The following WDFY3 variants were observed in gnomAD, a reference collection of about 807,000 sequenced individuals.
WDFY3 encodes the protein WD repeat and FYVE domain-containing protein 3.
WDFY3 carries 66 observed loss-of-function variants against 409.6 expected under a neutral mutation model. The ratio of observed to expected loss-of-function variants is 0.16; its 90% CI spans 0.13 to 0.20. The LOEUF (loss-of-function observed/expected upper bound fraction) is 0.20. Ranked by LOEUF, WDFY3 falls within the 10% of genes least tolerant of loss-of-function variation. The pLI, the probability that WDFY3 is intolerant of heterozygous loss-of-function variation, is 1.00. For synonymous variants in WDFY3, 1,521 were observed against 1,537.1 expected (o/e 0.99, Z 0.25); for missense variants, 3,031 against 4,298.1 (o/e 0.71, Z 8.24).
intron 2 of WDFY3, among the ~76,000 whole-genome samples, chr4:84,915,416 C>T (rs1768355067): frequency 6.6e-6 from 1 of 152,120 alleles, no homozygotes; most frequent in African/African-American, 2.4e-5. Context: ...TAAAGTCTAT[C>T]ACCACAAAAT....
chr4:84,797,773 C>T (rs918922908), intron 18 of WDFY3, among the ~76,000 whole-genome samples: 5 of 151,760 alleles, frequency 3.3e-5, no homozygotes, highest in East Asian at 3.9e-4. Flanking sequence ...TTAGAAGAGA[C>T]GGGGTTTCAC....
intron 44 of WDFY3, 142 bp downstream of exon 44, chr4:84,733,240 T>A: frequency 1.1e-6 from 1 of 942,404 alleles, no homozygotes; most frequent in Admixed American, 2.3e-5. Context: ...CCACCTCCAC[T>A]CTGAAGTTAT....
chr4:84,929,331 G>A (rs897364216), intron 2 of WDFY3, among the ~76,000 whole-genome samples: 1 of 152,186 alleles, frequency 6.6e-6, no homozygotes, highest in Non-Finnish European at 1.5e-5. Flanking sequence ...GTTAGGTGCA[G>A]CTTTGTGAGA....
intron 2 of WDFY3, among the ~76,000 whole-genome samples, chr4:84,928,242 C>A (rs1264695066): frequency 6.6e-6 from 1 of 152,164 alleles, no homozygotes; most frequent in Non-Finnish European, 1.5e-5. Flanking sequence ...CTAGCATCAA[C>A]CCCTCTCCCT....
Position 84,772,890 on chromosome 4 carries a change from C to T in WDFY3, c.4794G>A (p.Ala1598=), listed in dbSNP as rs780197075. 2.2e-5 allele frequency: 35 copies of T among 1,609,444 alleles called. No homozygotes were observed. Among genetic ancestry groups the T allele is most frequent in the African/African-American group, 8.0e-5 (6 of 74,636 alleles). ...CCATTACTACAAATTTCTCACAAAC[C>T]GCAAAGGTTGGCAAAGTAGAAGAAA... is the stretch of plus-strand genomic sequence containing the variant. ...QFISSTLPTF[A]VCEKFVVMEI... is the part of the protein sequence containing the mutation. The change falls in exon 30 of 68, where the codon GCG becomes GCA. Residue 1598 remains alanine (A), a synonymous_variant. Transcript: ENST00000295888.
chr4:84,817,736 A>G (rs1753510283), intron 12 of WDFY3, 151 bp from the exon 13 acceptor site: 1 of 803,468 alleles, frequency 1.2e-6, no homozygotes, highest in Non-Finnish European at 1.9e-6. Context: ...TTAAATTACA[A>G]TACAAATTTG....
chr4:84,934,308 C>T (rs1019158739), intron 1 of WDFY3, among the ~76,000 whole-genome samples: 1 of 152,064 alleles, frequency 6.6e-6, no homozygotes, highest in Non-Finnish European at 1.5e-5. Context: ...GTTTGTTTGC[C>T]ATATGTATGT....
intron 55 of WDFY3, 152 bp downstream of exon 55, chr4:84,704,186 T>C (rs913017979): frequency 2.0e-6 from 1 of 509,938 alleles, no homozygotes; most frequent in East Asian, 3.4e-5. Flanking sequence ...TCAATTTTGG[T>C]CCAACAAAAT....
At chr4:84,780,383 T>A in intron 25 of WDFY3, 85 bp from the exon 26 acceptor site, 1 of 1,266,836 alleles carries the variant, frequency 7.9e-7, no homozygotes, top group Non-Finnish European at 1.1e-6. Context: ...AGTTTTTTAA[T>A]TAGCAGTGTT....
intron 25 of WDFY3, among the ~76,000 whole-genome samples, chr4:84,781,590 C>G (rs992413173): frequency 6.6e-6 from 1 of 151,966 alleles, no homozygotes; most frequent in Non-Finnish European, 1.5e-5. Flanking sequence ...ATTTTGAAAA[C>G]TAGCTCCTAA....
intron 3 of WDFY3, among the ~76,000 whole-genome samples, chr4:84,876,016 G>GT (rs1229241025): frequency 6.6e-6 from 1 of 152,070 alleles, no homozygotes; most frequent in East Asian, 1.9e-4. Flanking sequence ...CAGTAACATG[G>GT]TAATTTATTA....
intron 64 of WDFY3, among the ~76,000 whole-genome samples, chr4:84,679,841 T>TATATATATATATATACACACAC (rs1235574031): frequency 9.2e-5 from 13 of 141,312 alleles, no homozygotes; most frequent in African/African-American, 3.4e-4. Flanking sequence ...TATATATATA[T>TATATATATATATATACACACAC]ACACACACAC....
rs552927810 is a variant in WDFY3, at chr4:84,947,635, C to T, written c.-225-15272G>A. Among the ~76,000 whole-genome samples the T allele has an allele frequency of 5.4e-5, 8 of 146,860 alleles. No homozygotes were observed. In the South Asian group the frequency reaches 1.7e-3, roughly 31 times the overall value. On this transcript the variant is annotated intron_variant, in intron 1 of 67. Coordinates refer to ENST00000295888, the MANE Select transcript of WDFY3 (RefSeq NM_014991.6). ...GTGTAAACCCAGCACTTTGGGAAGC[C>T]AAGGCAGTCAAGATCGCTTGAGTCC... is the stretch of plus-strand genomic sequence containing the variant.
chr4:84,940,551 T>C (rs1771974525), intron 1 of WDFY3, among the ~76,000 whole-genome samples: 1 of 152,122 alleles, frequency 6.6e-6, no homozygotes. Flanking sequence ...TTTTGTAAAG[T>C]CAAGCATATA....
chr4:84,705,261 T>C (rs546705424), intron 54 of WDFY3, 133 bp downstream of exon 54: 1 of 701,858 alleles, frequency 1.4e-6, no homozygotes, highest in African/African-American at 1.8e-5. Context: ...TCTGCATATA[T>C]GTGTGGACAT....
chr4:84,767,300 T>C (rs1418757152), intron 30 of WDFY3, among the ~76,000 whole-genome samples: 1 of 152,096 alleles, frequency 6.6e-6, no homozygotes, highest in African/African-American at 2.4e-5. Context: ...AGTCAAAAAA[T>C]GTGTTTTGAC....
intron 64 of WDFY3, among the ~76,000 whole-genome samples, chr4:84,679,691 A>G (rs529335411): frequency 1.3e-5 from 2 of 152,150 alleles, no homozygotes; most frequent in South Asian, 2.1e-4. Flanking sequence ...CAGCTTAAAC[A>G]TTCTTGTCTC....
intron 3 of WDFY3, among the ~76,000 whole-genome samples, chr4:84,875,891 T>C (rs1346345146): frequency 6.6e-6 from 1 of 152,166 alleles, no homozygotes; most frequent in Non-Finnish European, 1.5e-5. Flanking sequence ...AATGCCTTCT[T>C]CTGAGTACCT....
chr4:84,849,763 T>TTCTA, intron 5 of WDFY3, 139 bp downstream of exon 5: 1 of 1,225,540 alleles, frequency 8.2e-7, no homozygotes, highest in Non-Finnish European at 1.1e-6. Context: ...AATGTGACTC[T>TTCTA]AAGAAAGGGA....
Sources: gnomAD v4.1 joint callset for allele counts (sites outside exome capture counted in the v4.1 genomes callset) on GRCh38, gnomAD v4.1.1 for gene constraint, MANE v1.5 for transcripts, NCBI Gene and HGNC (gene_info 2026-07-23, HGNC 2026-07-21) for gene names.